CLASP2: variants seen among roughly 807,000 people sequenced by gnomAD.
The protein encoded by CLASP2 is cytoplasmic linker associated protein 2, also known as CLIP-associating protein 2.
CLASP2 carries 47 observed loss-of-function variants against 194.4 expected under a neutral mutation model. That is an observed-to-expected ratio of 0.24 (90% CI 0.19 to 0.31). CLASP2 has a LOEUF of 0.31. Ranked by LOEUF, CLASP2 falls within the 10% of genes least tolerant of loss-of-function variation. The pLI, the probability that CLASP2 is intolerant of heterozygous loss-of-function variation, is 1.00. For missense variants in CLASP2, 1,445 were observed against 1,823.6 expected (o/e 0.79, Z 3.78); for synonymous variants, 619 against 633.5 (o/e 0.98, Z 0.34).
intron 2 of CLASP2, among the ~76,000 whole-genome samples, chr3:33,692,014 A>G (rs2091406782): frequency 1.3e-5 from 2 of 152,094 alleles, no homozygotes; most frequent in South Asian, 2.1e-4. Flanking sequence ...CACTAAAACT[A>G]TAAAAATTAG....
intron 18 of CLASP2, among the ~76,000 whole-genome samples, chr3:33,597,643 G>A (rs987918900): frequency 1.3e-5 from 2 of 152,040 alleles, no homozygotes; most frequent in Admixed American, 1.3e-4. Context: ...GTGGCTGGCT[G>A]TGCAAGCAGA....
intron 1 of CLASP2, among the ~76,000 whole-genome samples, chr3:33,714,163 A>G (rs902091311): frequency 6.6e-6 from 1 of 152,208 alleles, no homozygotes; most frequent in Non-Finnish European, 1.5e-5. Flanking sequence ...GGTACTCACT[A>G]AGGACTCTGT....
chr3:33,652,812 G>A (rs2083436576), intron 7 of CLASP2, among the ~76,000 whole-genome samples: 4 of 151,978 alleles, frequency 2.6e-5, no homozygotes, highest in African/African-American at 4.8e-5. Context: ...AGTAAATAAC[G>A]TCACCATCTA....
chr3:33,576,561 T>C (rs2064934688), intron 23 of CLASP2: 5 of 352,434 alleles, frequency 1.4e-5, no homozygotes, highest in Non-Finnish European at 2.6e-5. Flanking sequence ...TGCAAGTCTA[T>C]AGCCCTGTAA....
chr3:33,581,032 G>A (rs11720075), intron 23 of CLASP2, among the ~76,000 whole-genome samples: 134,125 of 137,276 alleles, frequency 0.98, 65,587 homozygotes, highest in Middle Eastern at 1. Context: ...AAAAAAAAAA[G>A]AAAGAAAGAA....
chr3:33,557,046 T>C (rs1464717059), intron 29 of CLASP2, among the ~76,000 whole-genome samples: 1 of 151,994 alleles, frequency 6.6e-6, no homozygotes, highest in East Asian at 1.9e-4. Context: ...TGATTTTGGC[T>C]CACTGCAACC....
chr3:33,689,622 T>TA (rs2091112167), intron 3 of CLASP2: 63 of 410,450 alleles, frequency 1.5e-4, no homozygotes, highest in Non-Finnish European at 2.0e-4. Flanking sequence ...TAGTTAGCTT[T>TA]TAAAAAAAAA....
At chr3:33,537,382 T>C (rs2057548299) in intron 33 of CLASP2, among the ~76,000 whole-genome samples, 1 of 152,188 alleles carries the variant, frequency 6.6e-6, no homozygotes, top group Non-Finnish European at 1.5e-5. Context: ...GCAGGAAAGA[T>C]GGCAGGAAGG....
intron 25 of CLASP2, 95 bp from the exon 26 acceptor site, chr3:33,570,885 AAAAGGTT>A (rs1321527157): frequency 8.2e-7 from 1 of 1,218,618 alleles, no homozygotes; most frequent in African/African-American, 1.5e-5. Context: ...AAAAAAAAAA[AAAAGGTT>A]AGGTTGGGCA....
chr3:33,602,431 A>T (rs1427908685), intron 18 of CLASP2: 2 of 682,572 alleles, frequency 2.9e-6, no homozygotes. Context: ...AAATGGAAGC[A>T]TGAAGAAGAG....
intron 26 of CLASP2, among the ~76,000 whole-genome samples, chr3:33,568,417 G>A (rs1388464576): frequency 6.6e-6 from 1 of 151,544 alleles, no homozygotes; most frequent in African/African-American, 2.4e-5. Context: ...AGCAGAGTGT[G>A]GTGGCACATG....
intron 7 of CLASP2, among the ~76,000 whole-genome samples, chr3:33,658,650 T>C (rs942059292): frequency 2.0e-5 from 3 of 152,174 alleles, no homozygotes; most frequent in African/African-American, 4.8e-5. Context: ...CCAAAGGCAA[T>C]GTTCTTCCTC....
chr3:33,716,335 C>T (rs1575827796), intron 1 of CLASP2, among the ~76,000 whole-genome samples: 1 of 152,108 alleles, frequency 6.6e-6, no homozygotes, highest in East Asian at 1.9e-4. Flanking sequence ...AAACACAGCA[C>T]CGAGTAGAAG....
chr3:33,675,086 A>T (rs559936264), intron 6 of CLASP2, among the ~76,000 whole-genome samples: 1 of 152,358 alleles, frequency 6.6e-6, no homozygotes, highest in African/African-American at 2.4e-5. Context: ...AACTCATTTT[A>T]TGAGGCCAGC....
At chr3:33,513,742 A>T (rs1195351887) in intron 36 of CLASP2, among the ~76,000 whole-genome samples, 2 of 152,182 alleles carry the variant, frequency 1.3e-5, no homozygotes, top group African/African-American at 4.8e-5. Flanking sequence ...CTAATGACTA[A>T]TGATGTTGAA....
chr3:33,513,659 T>A (rs1361316080), intron 36 of CLASP2, among the ~76,000 whole-genome samples: 1 of 152,254 alleles, frequency 6.6e-6, no homozygotes, highest in African/African-American at 2.4e-5. Flanking sequence ...TTTCCCTGCA[T>A]CCTCACCAAC....
At chr3:33,504,040 G>A (rs1387258278) in intron 37 of CLASP2, 1 of 152,114 alleles carries the variant, frequency 6.6e-6, no homozygotes, top group African/African-American at 2.4e-5. Flanking sequence ...TTGCTGTTGA[G>A]TTATAAGAGT....
intron 1 of CLASP2, among the ~76,000 whole-genome samples, chr3:33,697,481 A>T (rs796727893): frequency 3.9e-5 from 6 of 152,356 alleles, no homozygotes; most frequent in African/African-American, 1.4e-4. Flanking sequence ...CATTGCAACA[A>T]TTATGACGTC....
chr3:33,672,131 G>A (rs938499778), intron 6 of CLASP2, among the ~76,000 whole-genome samples: 1 of 152,248 alleles, frequency 6.6e-6, no homozygotes, highest in African/African-American at 2.4e-5. Context: ...AGAACGGGCA[G>A]ACTGCCTCCT....
Sources: allele counts gnomAD v4.1 joint callset (sites outside exome capture counted in the v4.1 genomes callset), GRCh38; gene constraint gnomAD v4.1.1; transcripts MANE v1.5; gene names NCBI Gene and HGNC (gene_info 2026-07-23, HGNC 2026-07-21).